Variants in ARAF observed in about 807,000 individuals in gnomAD.
The protein encoded by ARAF is A-Raf proto-oncogene, serine/threonine kinase, also known as serine/threonine-protein kinase A-Raf.
In ARAF, 18 loss-of-function variants were observed where a neutral mutation model predicts 48.0. The ratio of observed to expected loss-of-function variants is 0.37; its 90% CI spans 0.26 to 0.56. ARAF has a LOEUF of 0.56. Among genes scored for constraint, ARAF ranks in the 20% least tolerant of loss-of-function variants. The pLI is 0.77. For synonymous variants in ARAF, 207 were observed against 220.1 expected (o/e 0.94, Z 0.53); for missense variants, 389 against 543.1 (o/e 0.72, Z 2.82).
chrX:47,563,353 A>C, intron 3 of ARAF, 24 bp downstream of exon 3: 9 of 1,136,979 alleles, frequency 7.9e-6, no homozygotes, highest in Non-Finnish European at 1.1e-5. Context: ...CCCCACGCCC[A>C]CCCACTGGGT....
At chrX:47,563,139 G>A in intron 2 of ARAF, 76 bp downstream of exon 2, 1 of 1,149,718 alleles carries the variant, frequency 8.7e-7, no homozygotes, top group Non-Finnish European at 1.2e-6. Context: ...GGTGACAACG[G>A]TTGGGGGAGG....
rs755892791 is a variant in ARAF at position 47,566,949 on chromosome X, C to T, written c.728-37C>T. Reference sequence around the variant, plus strand: ...TGCCTGCACCCTGACCCCCGCTGCCCCACTTACCTCCACTCACATCCTCTC... The same window carrying T: ...TGCCTGCACCCTGACCCCCGCTGCCTCACTTACCTCCACTCACATCCTCTC... On this transcript the variant is annotated intron_variant, in intron 8 of 15. Transcript: ENST00000377045. The T allele has an allele frequency of 5.0e-6, 6 of 1,209,597 alleles. No homozygotes were observed. In the Admixed American group the frequency reaches 8.7e-5, roughly 18 times the overall value.
rs1303557971 is a variant in ARAF at position 47,568,665 on chromosome X, T to C, written c.1077-53T>C. On this transcript the variant is annotated intron_variant, in intron 10 of 15. Coordinates refer to ENST00000377045, the MANE Select transcript of ARAF (RefSeq NM_001654.5). ...AGTGCCACTCCTGATGCTCGGTAAG[T>C]GACAGTTGCTATTTTTCCTCCCCAC... 5 of 1,155,511 alleles carry C rather than the reference T, an allele frequency of 4.3e-6. No individual in the cohort carries two copies. The Admixed American group carries it at 8.9e-5, about 21-fold the overall frequency.
rs752937927 is a variant in ARAF at position 47,571,009 on chromosome X, C to A, written c.1683C>A (p.Pro561=). Residue 561 remains proline, a synonymous_variant, in exon 15 of 16, where the codon CCC becomes CCA. Coordinates refer to ENST00000377045, the MANE Select transcript of ARAF (RefSeq NM_001654.5). ...AGCGGGAGGAGCGGCCCCTCTTCCC[C>A]CAGGTGGGCTGGGTAGGGGGCTGGA... ...KFQREERPLF[P]QILATIELLQ... is the part of the protein sequence containing the mutation. 1.7e-5 allele frequency: 21 copies of A among 1,209,470 alleles called. No homozygotes were observed. In the South Asian group the frequency reaches 3.7e-4, roughly 21 times the overall value.
At position 47,571,750 on chromosome X, in the gene ARAF, C is replaced by A. The variant is rs1289932442; in HGVS notation, c.*293C>A. 77 of 296,932 alleles carry A rather than the reference C, an allele frequency of 2.6e-4. No homozygotes were observed. Among genetic ancestry groups the A allele is most frequent in the Non-Finnish European group, 7.0e-5 (12 of 172,019 alleles). 24.5% of individuals were successfully genotyped at this position (296,932 alleles called of 1,213,427 possible). ...ATGGCTGGGATTTGTGGCAGGGATT[C>A]CACTCAGAACCTCTCTGGAATTTGT... is the stretch of plus-strand genomic sequence containing the variant. On this transcript the variant is annotated 3_prime_UTR_variant, in exon 16 of 16. Transcript: ENST00000377045.
rs200882727 is a variant in ARAF at position 47,566,990 on chromosome X, C to T, written c.732C>T (p.Ala244=). ...LTGQSFSTDA[A]GSRGGSDGTP... Reference sequence around the variant, plus strand: ...ACATCCTCTCTGCAACTGCAGCTGCCGGTAGTAGAGGAGGTAGTGATGGAA... The same window carrying T: ...ACATCCTCTCTGCAACTGCAGCTGCTGGTAGTAGAGGAGGTAGTGATGGAA... Residue 244 remains alanine (A), a synonymous_variant, in exon 9 of 16, where the codon GCC becomes GCT. Coordinates refer to ENST00000377045, the MANE Select transcript of ARAF (RefSeq NM_001654.5). The T allele has an allele frequency of 6.2e-5, 75 of 1,209,913 alleles. 1 individual carries two copies. The South Asian group carries it at 6.5e-4, about 11-fold the overall frequency.
chrX:47,569,162 T>C, intron 12 of ARAF, 129 bp downstream of exon 12: 2 of 873,796 alleles, frequency 2.3e-6, no homozygotes, highest in Non-Finnish European at 3.2e-6. Context: ...GTGGCAGAGC[T>C]GTGGCCAGCC....
Position 47,571,575 on chromosome X carries a change from C to T in ARAF, c.*118C>T, listed in dbSNP as rs766863658. On this transcript the variant is annotated 3_prime_UTR_variant, in exon 16 of 16. Coordinates refer to ENST00000377045, the MANE Select transcript of ARAF (RefSeq NM_001654.5). ...TGCCTCAGGATCCCCCATTCCCCAC[C>T]CTGGGAGATGAGGGGGTCCCCATGT... 91 of 1,006,891 alleles carry T rather than the reference C, an allele frequency of 9.0e-5. No homozygotes were observed. Among genetic ancestry groups the T allele is most frequent in the Middle Eastern group, 7.6e-4 (2 of 2,632 alleles). 83.0% of individuals were successfully genotyped at this position (1,006,891 alleles called of 1,213,427 possible). A position where few individuals can be genotyped will look rare whatever the true frequency, so the allele number is the denominator to read the frequency against.
rs1244826294 is a variant in ARAF at position 47,567,376 on chromosome X, G to A, written c.1020G>A (p.Val340=). 1.7e-6 allele frequency: 2 copies of A among 1,210,362 alleles called. No homozygotes were observed. The highest frequency in any genetic ancestry group is 2.2e-5 in the Admixed American group (1 of 45,920). ...HGDVAVKVLK[V]SQPTAEQAQA... Reference sequence around the variant, plus strand: ...ATGTGGCCGTGAAGGTGCTCAAGGTGTCCCAGCCCACAGCTGAGCAGGCCC... The same window carrying A: ...ATGTGGCCGTGAAGGTGCTCAAGGTATCCCAGCCCACAGCTGAGCAGGCCC... Residue 340 remains valine, a synonymous_variant, in exon 10 of 16, where the codon GTG becomes GTA. Transcript: ENST00000377045.
rs1248591009 is a variant in ARAF at position 47,567,298 on chromosome X, G to A, written c.942G>A (p.Lys314=). ...CACCCAGTGAGGTGCAGCTGCTGAA[G>A]AGGATCGGGACGGGCTCGTTTGGCA... ...EVPPSEVQLL[K]RIGTGSFGTV... is the part of the protein sequence containing the mutation. The change falls in exon 10 of 16, where the codon AAG becomes AAA. Residue 314 remains lysine, a synonymous_variant. Coordinates refer to ENST00000377045, the MANE Select transcript of ARAF (RefSeq NM_001654.5). 1 of 1,211,704 alleles carries A rather than the reference G, an allele frequency of 8.3e-7. No individual in the cohort carries two copies. Among genetic ancestry groups the A allele is most frequent in the Non-Finnish European group, 1.1e-6 (1 of 895,490 alleles).
Position 47,568,979 on chromosome X carries a change from C to A in ARAF, c.1254-8C>A, listed in dbSNP as rs746021042. ...CAGCCAATCCGCCACCTGCCTCCACCCCCACAGCTACCTCCATGCCAAGAA... is the reference window on the plus strand; with the variant it reads ...CAGCCAATCCGCCACCTGCCTCCACACCCACAGCTACCTCCATGCCAAGAA... On this transcript the variant is annotated splice_polypyrimidine_tract_variant and splice_region_variant and intron_variant, in intron 11 of 15. Coordinates refer to ENST00000377045, the MANE Select transcript of ARAF (RefSeq NM_001654.5). The A allele has an allele frequency of 6.7e-6, 8 of 1,201,694 alleles. No homozygotes were observed. Among genetic ancestry groups the A allele is most frequent in the Admixed American group, 2.2e-5 (1 of 44,865 alleles).
chrX:47,562,667 C>G lies in ARAF; in HGVS notation c.-59-242C>G, dbSNP rs754144370. ...TGTCCCCCTTCCCTGTTCTCTCCCCCGCAACCCTGTGCAGTGAAGCTGAGA... is the reference window on the plus strand; with the variant it reads ...TGTCCCCCTTCCCTGTTCTCTCCCCGGCAACCCTGTGCAGTGAAGCTGAGA... On this transcript the variant is annotated intron_variant, in intron 1 of 15. Coordinates refer to ENST00000377045, the MANE Select transcript of ARAF (RefSeq NM_001654.5). Among the ~76,000 whole-genome samples the G allele has an allele frequency of 5.4e-5, 6 of 110,320 alleles. No individual in the cohort carries two copies. The Admixed American group carries it at 5.8e-4, about 11-fold the overall frequency.
chrX:47,563,416 C>A, intron 3 of ARAF, 87 bp downstream of exon 3: 1 of 719,786 alleles, frequency 1.4e-6, no homozygotes, highest in Non-Finnish European at 2.1e-6. Context: ...TACTTTATCA[C>A]AGAGTCTTCC....
chrX:47,569,189 A>T (rs1245999167), intron 12 of ARAF, among the ~76,000 whole-genome samples, 156 bp downstream of exon 12: 1 of 112,120 alleles, frequency 8.9e-6, no homozygotes, highest in African/African-American at 3.2e-5. Context: ...CTTTAATGGC[A>T]GTCTCTTAGA....
At chrX:47,562,420 G>A (rs778002431) in intron 1 of ARAF, among the ~76,000 whole-genome samples, 9 of 106,137 alleles carry the variant, frequency 8.5e-5, no homozygotes, top group South Asian at 4.3e-4. Flanking sequence ...GGGAGGTGGA[G>A]GTTGCAGTGA....
At chrX:47,568,194 G>A (rs2057741201) in intron 10 of ARAF, among the ~76,000 whole-genome samples, 1 of 111,386 alleles carries the variant, frequency 9.0e-6, no homozygotes, top group Non-Finnish European at 1.9e-5. Flanking sequence ...TTGAGTACCT[G>A]GTGAGGCCTA....
intron 6 of ARAF, among the ~76,000 whole-genome samples, chrX:47,566,141 T>C (rs2057731725): frequency 9.0e-6 from 1 of 111,599 alleles, no homozygotes; most frequent in Non-Finnish European, 1.9e-5. Flanking sequence ...GCCATTTTTA[T>C]ATAGATGATA....
intron 1 of ARAF, among the ~76,000 whole-genome samples, chrX:47,561,817 A>G (rs1419653859): frequency 9.5e-6 from 1 of 105,770 alleles, no homozygotes; most frequent in African/African-American, 3.5e-5. Flanking sequence ...GCAACACCAT[A>G]CCTTCCTTCT....
rs62622372 is a variant in ARAF at position 47,564,936 on chromosome X, T to G, written c.303+37T>G. 3.9e-3 allele frequency: 4,720 copies of G among 1,208,796 alleles called. 125 individuals carry two copies. In the African/African-American group the frequency reaches 0.074, roughly 19 times the overall value. ...GTGGACGGTGGGGGTGGACCATGGT[T>G]GGGGGTGTCCTTGACCAGGTCTCAA... On this transcript the variant is annotated intron_variant, in intron 4 of 15. Transcript: ENST00000377045.
Sources: gnomAD v4.1 joint callset for allele counts (sites outside exome capture counted in the v4.1 genomes callset) on GRCh38, gnomAD v4.1.1 for gene constraint, MANE v1.5 for transcripts, NCBI Gene and HGNC (gene_info 2026-07-23, HGNC 2026-07-21) for gene names.